The following ADGRL3 variants were observed in gnomAD, a reference collection of about 807,000 sequenced individuals.
The protein encoded by ADGRL3 is calcium-independent alpha-latrotoxin receptor 3.
A neutral mutation model predicts 153.5 loss-of-function variants in ADGRL3; 62 were observed. The ratio of observed to expected loss-of-function variants is 0.40; its 90% CI spans 0.33 to 0.50. The LOEUF is 0.50. Among genes scored for constraint, ADGRL3 ranks in the 20% least tolerant of loss-of-function variants. The pLI, the probability that ADGRL3 is intolerant of heterozygous loss-of-function variation, is 0.47. For missense variants in ADGRL3, 1,641 were observed against 1,859.4 expected, an observed-to-expected ratio of 0.88 and a Z score of 2.16; for synonymous variants, 710 against 672.5, an observed-to-expected ratio of 1.06 and a Z score of -0.86.
At chr4:61,348,036 T>C (rs2095960131) in intron 1 of ADGRL3, among the ~76,000 whole-genome samples, 1 of 152,048 alleles carries the variant, frequency 6.6e-6, no homozygotes, top group Non-Finnish European at 1.5e-5. Context: ...TGTTTCCTCA[T>C]CATCTAAAAC....
At chr4:61,228,003 T>C (rs1391705912) in intron 1 of ADGRL3, among the ~76,000 whole-genome samples, 1 of 152,250 alleles carries the variant, frequency 6.6e-6, no homozygotes, top group Admixed American at 6.5e-5. Context: ...TATTACTATT[T>C]ACATAACTGT....
intron 25 of ADGRL3, among the ~76,000 whole-genome samples, chr4:62,048,914 A>G (rs529367446): frequency 6.6e-6 from 1 of 152,202 alleles, no homozygotes; most frequent in South Asian, 2.1e-4. Context: ...TGAAATGTTT[A>G]CTGAGACATT....
chr4:61,282,360 T>C (rs1160756823), intron 1 of ADGRL3, among the ~76,000 whole-genome samples: 3 of 152,080 alleles, frequency 2.0e-5, no homozygotes, highest in Non-Finnish European at 4.4e-5. Context: ...AATTCAGGAC[T>C]CTATAATGAG....
chr4:61,651,157 A>G (rs775067647), intron 5 of ADGRL3, among the ~76,000 whole-genome samples: 6 of 152,210 alleles, frequency 3.9e-5, no homozygotes, highest in Non-Finnish European at 8.8e-5. Flanking sequence ...TTTCTATATG[A>G]GAAAAGCATA....
intron 1 of ADGRL3, among the ~76,000 whole-genome samples, chr4:61,219,563 A>C (rs1390006262): frequency 6.6e-6 from 1 of 152,220 alleles, no homozygotes; most frequent in Non-Finnish European, 1.5e-5. Flanking sequence ...ACCTGAAAAG[A>C]GAATAGTACA....
At chr4:61,246,405 A>G (rs1042612504) in intron 1 of ADGRL3, among the ~76,000 whole-genome samples, 3 of 152,024 alleles carry the variant, frequency 2.0e-5, no homozygotes, top group Non-Finnish European at 4.4e-5. Flanking sequence ...GAGTTTAGTC[A>G]TTGCTATGTT....
At chr4:61,455,554 T>C (rs2097724761) in intron 2 of ADGRL3, among the ~76,000 whole-genome samples, 1 of 152,136 alleles carries the variant, frequency 6.6e-6, no homozygotes, top group African/African-American at 2.4e-5. Context: ...ATTTGTATTC[T>C]GCTGGGAAGA....
intron 4 of ADGRL3, among the ~76,000 whole-genome samples, chr4:61,547,864 T>C (rs993501641): frequency 1.3e-5 from 2 of 152,072 alleles, no homozygotes; most frequent in African/African-American, 4.8e-5. Context: ...AATTTACATT[T>C]CCACCAAGTG....
At chr4:61,423,400 G>A (rs1343103254) in intron 2 of ADGRL3, among the ~76,000 whole-genome samples, 1 of 152,214 alleles carries the variant, frequency 6.6e-6, no homozygotes, top group Non-Finnish European at 1.5e-5. Flanking sequence ...ATTGAATCCA[G>A]TGTGGATAGG....
rs372336459 is a variant in ADGRL3, at chr4:61,463,478, A to C, written c.-173-33643A>C. On this transcript the variant is annotated intron_variant, in intron 2 of 26. Transcript: ENST00000683033. ...TCTTGAAAACTCACTCACTATCATG[A>C]GAAGAGCAAGGGGGAAATCTGCCCC... is the stretch of plus-strand genomic sequence containing the variant. 2.6e-4 allele frequency among the ~76,000 whole-genome samples: 39 copies of C among 152,262 alleles called. No individual in the cohort carries two copies. In the South Asian group the frequency reaches 8.1e-3, roughly 32 times the overall value.
intron 1 of ADGRL3, among the ~76,000 whole-genome samples, chr4:61,322,331 G>A (rs1396443025): frequency 4.6e-5 from 7 of 152,048 alleles, no homozygotes; most frequent in South Asian, 4.1e-4. Flanking sequence ...AAACCATATC[G>A]TTCCACCCCA....
At chr4:61,838,438 G>A (rs2097970979) in intron 9 of ADGRL3, among the ~76,000 whole-genome samples, 1 of 152,116 alleles carries the variant, frequency 6.6e-6, no homozygotes, top group Non-Finnish European at 1.5e-5. Flanking sequence ...GCCTTATTTA[G>A]GATTCTGTTT....
At chr4:61,334,303 C>T (rs1350945988) in intron 1 of ADGRL3, among the ~76,000 whole-genome samples, 1 of 152,152 alleles carries the variant, frequency 6.6e-6, no homozygotes, top group Non-Finnish European at 1.5e-5. Context: ...TTTACCAGGG[C>T]ATTTGATAAG....
At chr4:61,487,846 T>A (rs2098214372) in intron 2 of ADGRL3, among the ~76,000 whole-genome samples, 1 of 152,166 alleles carries the variant, frequency 6.6e-6, no homozygotes, top group East Asian at 1.9e-4. Flanking sequence ...CATTTTTTAG[T>A]TTTAATTATT....
In ADGRL3 at chr4:61,560,263, T is replaced by C. The variant is rs1180550875; in HGVS notation, c.260-26964T>C. ...AAACCATAATGATTAGCTTGTAATA[T>C]GCAATAAAAAACTGGTTCATAAGAT... On this transcript the variant is annotated intron_variant, in intron 4 of 26. Coordinates refer to ENST00000683033, the MANE Select transcript of ADGRL3 (RefSeq NM_001387552.1). Among the ~76,000 whole-genome samples, 4 of 152,118 alleles carry C rather than the reference T, an allele frequency of 2.6e-5. No homozygotes were observed. The South Asian group carries it at 6.2e-4, about 24-fold the overall frequency.
intron 2 of ADGRL3, chr4:61,420,132 A>T (rs1369426488): frequency 6.6e-6 from 1 of 151,920 alleles, no homozygotes; most frequent in Admixed American, 6.6e-5. Context: ...GATCTTTTTA[A>T]TTTCCTTTAA....
intron 17 of ADGRL3, among the ~76,000 whole-genome samples, chr4:61,968,174 A>T (rs2099013644): frequency 6.6e-6 from 1 of 152,186 alleles, no homozygotes; most frequent in Admixed American, 6.5e-5. Context: ...GCAGATTCTA[A>T]ACAAGTTACA....
chr4:62,063,968 T>G (rs1741592910), intron 25 of ADGRL3, among the ~76,000 whole-genome samples: 1 of 152,120 alleles, frequency 6.6e-6, no homozygotes, highest in Non-Finnish European at 1.5e-5. Flanking sequence ...AATAAGATAT[T>G]TTCTTCAGGT....
chr4:61,513,941 G>A (rs143363396), intron 3 of ADGRL3, among the ~76,000 whole-genome samples: 19 of 152,190 alleles, frequency 1.2e-4, no homozygotes, highest in African/African-American at 2.6e-4. Flanking sequence ...TAATGGTATT[G>A]GGAAGGAAAC....
Sources: gnomAD v4.1 joint callset for allele counts (sites outside exome capture counted in the v4.1 genomes callset) on GRCh38, gnomAD v4.1.1 for gene constraint, MANE v1.5 for transcripts, NCBI Gene and HGNC (gene_info 2026-07-23, HGNC 2026-07-21) for gene names.